ADAMTS2: variants seen among roughly 807,000 people sequenced by gnomAD.
ADAMTS2 encodes the protein ADAM metallopeptidase with thrombospondin type 1 motif 2.
In ADAMTS2, 50 loss-of-function variants were observed where a neutral mutation model predicts 123.0. The ratio of observed to expected loss-of-function variants is 0.41; its 90% confidence interval spans 0.32 to 0.51. The LOEUF (loss-of-function observed/expected upper bound fraction) is 0.51. Ranked by LOEUF, ADAMTS2 falls within the 20% of genes least tolerant of loss-of-function variation. The pLI is 0.35. For missense variants in ADAMTS2, 1,494 were observed against 1,705.2 expected, an observed-to-expected ratio of 0.88 and a Z score of 2.18; for synonymous variants, 678 against 695.4, an observed-to-expected ratio of 0.98 and a Z score of 0.39.
rs553517068 is a variant in ADAMTS2 at position 179,337,004 on chromosome 5, G to A, written c.534+6763C>T. Among the ~76,000 whole-genome samples the A allele has an allele frequency of 1.8e-4, 27 of 152,316 alleles. 1 individual carries two copies. Among genetic ancestry groups the A allele is most frequent in the African/African-American group, 6.5e-4 (27 of 41,560 alleles). The stretch of plus-strand genomic sequence containing the variant: ...CTGTGCACCCCACTCTGCAGCCCTG[G>A]AGTCGTCGTGCAGTGTAATTGAAAT... On this transcript the variant is annotated intron_variant, in intron 2 of 21. Coordinates refer to ENST00000251582, the MANE Select transcript of ADAMTS2 (RefSeq NM_014244.5).
At position 179,181,098 on chromosome 5, in the gene ADAMTS2, G is replaced by C; in HGVS notation, c.949C>G (p.Arg317Gly). 1 of 1,613,814 alleles carries C rather than the reference G, an allele frequency of 6.2e-7. No individual in the cohort carries two copies. Among genetic ancestry groups the C allele is most frequent in the Non-Finnish European group, 8.5e-7 (1 of 1,179,898 alleles). The change falls in exon 5 of 22, where the codon CGG becomes GGG. Residue 317 changes from arginine (R) to glycine (G), a missense_variant. By Grantham distance (125) the Arg-to-Gly change is moderately radical (BLOSUM62 -2). This residue lies in a region of ADAMTS2 where 70 missense variants were observed against 85.3 expected (regional missense o/e 0.82). Coordinates refer to ENST00000251582, the MANE Select transcript of ADAMTS2 (RefSeq NM_014244.5). This position sits in a 1 kb window ranked among gnomAD's most constrained non-coding sequence, Gnocchi z 4.1. The part of the protein sequence containing the change: ...LGAHINVVLV[R>G]IILLSYGKSM... Reference sequence around the variant, plus strand: ...TTTCCATAGCTCAGGAGGATGATCCGCACCAGGACCACGTTGATGTGGGCA... The same window carrying C: ...TTTCCATAGCTCAGGAGGATGATCCCCACCAGGACCACGTTGATGTGGGCA...
intron 5 of ADAMTS2, among the ~76,000 whole-genome samples, chr5:179,169,427 C>T (rs770645999): frequency 6.6e-6 from 1 of 152,228 alleles, no homozygotes; most frequent in Non-Finnish European, 1.5e-5. Context: ...GACTAAGGCA[C>T]CTCCCAAGGG....
intron 4 of ADAMTS2, among the ~76,000 whole-genome samples, chr5:179,193,287 G>A (rs956549027): frequency 4.6e-5 from 7 of 152,200 alleles, no homozygotes; most frequent in South Asian, 2.1e-4. Flanking sequence ...TGCTCGCCTC[G>A]CTGGTCGGCT....
intron 3 of ADAMTS2, among the ~76,000 whole-genome samples, chr5:179,222,399 G>A (rs13174145): frequency 0.056 from 8,496 of 152,242 alleles, 305 homozygotes; most frequent in Admixed American, 0.098. Flanking sequence ...CTCCCCAACC[G>A]GGGCAGGTGG....
At chr5:179,289,922 G>A (rs1704733071) in intron 2 of ADAMTS2, among the ~76,000 whole-genome samples, 2 of 152,198 alleles carry the variant, frequency 1.3e-5, no homozygotes, top group African/African-American at 4.8e-5. Context: ...AAACATCCAG[G>A]TCATGAAACC....
chr5:179,300,094 CAAAAAAAAA>C (rs59939578), intron 2 of ADAMTS2, among the ~76,000 whole-genome samples: 28 of 102,334 alleles, frequency 2.7e-4, no homozygotes, highest in African/African-American at 4.3e-4. Context: ...GACTCCGTCT[CAAAAAAAAA>C]AAAAAAAAAA....
chr5:179,184,709 G>T (rs1212656304), intron 4 of ADAMTS2, among the ~76,000 whole-genome samples: 1 of 152,018 alleles, frequency 6.6e-6, no homozygotes, highest in African/African-American at 2.4e-5. Flanking sequence ...GACCCAGAAT[G>T]GCCTGGGCGA....
chr5:179,329,526 A>G (rs2127458862), intron 2 of ADAMTS2, among the ~76,000 whole-genome samples: 1 of 152,326 alleles, frequency 6.6e-6, no homozygotes, highest in African/African-American at 2.4e-5. Context: ...ACAGTATAAG[A>G]AACACATTTC....
rs571752021 is a variant in ADAMTS2, at chr5:179,260,061, C to T, written c.688+12850G>A. 1.1e-4 allele frequency among the ~76,000 whole-genome samples: 17 copies of T among 152,284 alleles called. No homozygotes were observed. Among genetic ancestry groups the T allele is most frequent in the Middle Eastern group, 3.4e-3 (1 of 294 alleles). On this transcript the variant is annotated intron_variant, in intron 3 of 21. Transcript: ENST00000251582. This position sits in a 1 kb window ranked among gnomAD's most constrained non-coding sequence, Gnocchi z 4.2. ...CCCTGCCGGATGGGTCACAAGCCGGCGAAGTCAGTCCTGCTCAAGTGTGAG... is the reference window on the plus strand; with the variant it reads ...CCCTGCCGGATGGGTCACAAGCCGGTGAAGTCAGTCCTGCTCAAGTGTGAG...
intron 3 of ADAMTS2, among the ~76,000 whole-genome samples, chr5:179,211,915 G>A (rs963379967): frequency 3.9e-5 from 6 of 152,128 alleles, no homozygotes; most frequent in South Asian, 2.1e-4. Context: ...TCAGCATATC[G>A]TCCTATTTCA....
At chr5:179,173,699 A>T (rs917986336) in intron 5 of ADAMTS2, among the ~76,000 whole-genome samples, 4 of 152,174 alleles carry the variant, frequency 2.6e-5, no homozygotes, top group Admixed American at 6.5e-5. Flanking sequence ...CACAGAAATG[A>T]ATGTCTGGGG....
chr5:179,216,692 G>A (rs1369478252), intron 3 of ADAMTS2, among the ~76,000 whole-genome samples: 3 of 152,240 alleles, frequency 2.0e-5, no homozygotes, highest in Non-Finnish European at 4.4e-5. Context: ...CATCCAGCGG[G>A]GGCAGTGCCG....
chr5:179,241,436 T>A lies in ADAMTS2; in HGVS notation c.688+31475A>T, dbSNP rs115164009. ...AGATCAACCCAGCCGGGCTTCCACG[T>A]CCAGCAAAACGAGGCGAGTTCGGGT... On this transcript the variant is annotated intron_variant, in intron 3 of 21. Transcript: ENST00000251582. Among the ~76,000 whole-genome samples the A allele has an allele frequency of 3.8e-3, 581 of 152,310 alleles. 4 individuals carry two copies. Among genetic ancestry groups the A allele is most frequent in the African/African-American group, 0.013 (558 of 41,568 alleles).
chr5:179,307,552 C>T lies in ADAMTS2; in HGVS notation c.535-34488G>A, dbSNP rs760359231. The stretch of plus-strand genomic sequence containing the variant: ...GTGACCTCATTCTCTATGCTCCTCA[C>T]GGCTGCCCCACAGAATCTCTGAAAC... On this transcript the variant is annotated intron_variant, in intron 2 of 21. Coordinates refer to ENST00000251582, the MANE Select transcript of ADAMTS2 (RefSeq NM_014244.5). The surrounding 1 kb of genome is among the most constrained non-coding windows in gnomAD (Gnocchi z 5.6). Among the ~76,000 whole-genome samples the T allele has an allele frequency of 1.3e-5, 2 of 152,202 alleles. No homozygotes were observed. The highest frequency in any genetic ancestry group is 2.4e-5 in the African/African-American group (1 of 41,454).
chr5:179,207,794 C>T, intron 3 of ADAMTS2, 79 bp from the exon 4 acceptor site: 1 of 1,327,078 alleles, frequency 7.5e-7, no homozygotes, highest in Non-Finnish European at 1.1e-6. Flanking sequence ...GCTTGGCCAT[C>T]CTCTCATTTA....
intron 10 of ADAMTS2, among the ~76,000 whole-genome samples, chr5:179,151,499 T>C (rs941922496): frequency 3.3e-5 from 5 of 152,086 alleles, no homozygotes; most frequent in African/African-American, 1.2e-4. Context: ...GCCAAGGTGG[T>C]CTCAGTGGGG....
At chr5:179,145,927 A>G (rs1456530972) in intron 10 of ADAMTS2, among the ~76,000 whole-genome samples, 1 of 152,178 alleles carries the variant, frequency 6.6e-6, no homozygotes, top group African/African-American at 2.4e-5. Flanking sequence ...ATCTCGGCTC[A>G]CCGCAACCTC....
At chr5:179,246,444 A>C (rs2113461206) in intron 3 of ADAMTS2, among the ~76,000 whole-genome samples, 1 of 152,336 alleles carries the variant, frequency 6.6e-6, no homozygotes, top group Non-Finnish European at 1.5e-5. Flanking sequence ...GGCAAGACGC[A>C]CAATAAACAT....
intron 2 of ADAMTS2, among the ~76,000 whole-genome samples, chr5:179,289,328 T>C (rs960480374): frequency 6.6e-6 from 1 of 152,164 alleles, no homozygotes; most frequent in Admixed American, 6.5e-5. Context: ...AGATCAGTAT[T>C]GGTAGAAACA....
Sources: gnomAD v4.1 joint callset for allele counts (sites outside exome capture counted in the v4.1 genomes callset) on GRCh38, gnomAD v4.1.1 for gene constraint, gnomAD v4.1.1 regional missense constraint, Gnocchi (gnomAD v3.1) non-coding constraint, MANE v1.5 for transcripts, NCBI Gene and HGNC (gene_info 2026-07-23, HGNC 2026-07-21) for gene names.